NKAIN2: variants seen among roughly 807,000 people sequenced by gnomAD.
NKAIN2 encodes sodium/potassium-transporting ATPase subunit beta-1-interacting protein 2.
NKAIN2 carries 14 observed loss-of-function variants against 32.6 expected under a neutral mutation model. The observed-to-expected ratio is 0.43, with a 90% CI of 0.28 to 0.67. The LOEUF is 0.67. Ranked by LOEUF, NKAIN2 falls within the 30% of genes least tolerant of loss-of-function variation. The probability of loss-of-function intolerance (pLI) is 0.17; values close to 1 mark genes in which losing one functional copy is unlikely to be tolerated. For missense variants in NKAIN2, 198 were observed against 258.3 expected (o/e 0.77, Z 1.60); for synonymous variants, 80 against 87.2 (o/e 0.92, Z 0.46).
intron 3 of NKAIN2, among the ~76,000 whole-genome samples, chr6:124,654,464 A>G (rs1213295659): frequency 6.6e-6 from 1 of 152,182 alleles, no homozygotes; most frequent in East Asian, 1.9e-4. Flanking sequence ...TAAATTTAAC[A>G]AAAGAGAAAA....
At position 124,006,310 on chromosome 6, in the gene NKAIN2, A is replaced by G. The variant is rs561766141; in HGVS notation, c.54+202056A>G. Among the ~76,000 whole-genome samples the G allele has an allele frequency of 2.7e-4, 41 of 152,300 alleles. No homozygotes were observed. The South Asian group carries it at 6.4e-3, about 24-fold the overall frequency. On this transcript the variant is annotated intron_variant, in intron 1 of 6. Transcript: ENST00000368417. ...AGCAAACTGAGATTGAGGTCCCAGCATTTGTGAGAGATAAAATAGTTGAGT... is the reference window on the plus strand; with the variant it reads ...AGCAAACTGAGATTGAGGTCCCAGCGTTTGTGAGAGATAAAATAGTTGAGT...
intron 3 of NKAIN2, among the ~76,000 whole-genome samples, chr6:124,554,734 T>G (rs1382701002): frequency 2.0e-5 from 3 of 152,240 alleles, no homozygotes; most frequent in Non-Finnish European, 4.4e-5. Flanking sequence ...TTTTGTCATT[T>G]CAAAATTTAA....
At chr6:124,209,077 T>C (rs1002046374) in intron 1 of NKAIN2, among the ~76,000 whole-genome samples, 1 of 151,548 alleles carries the variant, frequency 6.6e-6, no homozygotes, top group Non-Finnish European at 1.5e-5. Context: ...TCTCCCTAAC[T>C]GTATTCTTAC....
chr6:124,725,187 T>C (rs1421621950), intron 4 of NKAIN2, among the ~76,000 whole-genome samples: 1 of 152,192 alleles, frequency 6.6e-6, no homozygotes, highest in Non-Finnish European at 1.5e-5. Flanking sequence ...ATGCCCTCTA[T>C]CACACATACC....
chr6:123,948,240 G>C (rs760596744), intron 1 of NKAIN2, among the ~76,000 whole-genome samples: 2 of 151,988 alleles, frequency 1.3e-5, no homozygotes, highest in African/African-American at 4.8e-5. Context: ...GGGAGTGCAG[G>C]TATCCATTTG....
At chr6:123,947,751 G>A (rs921715638) in intron 1 of NKAIN2, among the ~76,000 whole-genome samples, 6 of 152,004 alleles carry the variant, frequency 3.9e-5, no homozygotes, top group African/African-American at 1.4e-4. Context: ...ATTTCTATAT[G>A]CTGGGAACAT....
At chr6:124,102,192 A>G (rs1417654319) in intron 1 of NKAIN2, among the ~76,000 whole-genome samples, 1 of 152,180 alleles carries the variant, frequency 6.6e-6, no homozygotes, top group East Asian at 1.9e-4. Context: ...GGACAACATG[A>G]TGTGGTGCGG....
chr6:123,869,666 G>A (rs894526596), intron 1 of NKAIN2, among the ~76,000 whole-genome samples: 2 of 152,032 alleles, frequency 1.3e-5, no homozygotes, highest in African/African-American at 4.8e-5. Flanking sequence ...CTGCTGGTAG[G>A]GCTTTGGGAG....
At chr6:124,378,495 C>T (rs1274522241) in intron 3 of NKAIN2, among the ~76,000 whole-genome samples, 2 of 152,172 alleles carry the variant, frequency 1.3e-5, no homozygotes, top group Non-Finnish European at 2.9e-5. Flanking sequence ...CTTTGCTATA[C>T]TGGCACAGGC....
intron 3 of NKAIN2, among the ~76,000 whole-genome samples, chr6:124,399,536 T>C: frequency 6.6e-6 from 1 of 152,176 alleles, no homozygotes; most frequent in East Asian, 1.9e-4. Context: ...AACTCCCATG[T>C]GGCCTACAGA....
At chr6:124,079,660 C>A (rs181873741) in intron 1 of NKAIN2, among the ~76,000 whole-genome samples, 1 of 152,116 alleles carries the variant, frequency 6.6e-6, no homozygotes, top group African/African-American at 2.4e-5. Context: ...TTTTAGCTAT[C>A]CTCCTTTTTT....
intron 5 of NKAIN2, among the ~76,000 whole-genome samples, chr6:124,808,764 T>C (rs1446074711): frequency 1.3e-5 from 2 of 152,220 alleles, no homozygotes; most frequent in Admixed American, 1.3e-4. Context: ...CTCCTTAAGC[T>C]GATAAGCAAC....
chr6:124,482,274 A>G (rs1433995248), intron 3 of NKAIN2, among the ~76,000 whole-genome samples: 1 of 152,214 alleles, frequency 6.6e-6, no homozygotes. Context: ...TTGGCACCTT[A>G]TAATAAACTT....
At chr6:124,567,212 C>A (rs1780948746) in intron 3 of NKAIN2, among the ~76,000 whole-genome samples, 1 of 152,292 alleles carries the variant, frequency 6.6e-6, no homozygotes, top group East Asian at 1.9e-4. Flanking sequence ...TGTGCTTTCA[C>A]CCTTCTACCT....
chr6:124,234,182 T>C (rs191602440), intron 1 of NKAIN2, among the ~76,000 whole-genome samples: 1 of 152,344 alleles, frequency 6.6e-6, no homozygotes, highest in East Asian at 1.9e-4. Context: ...TTTTTGTCTC[T>C]AAAGCATCAT....
At chr6:124,047,235 T>G (rs1782182057) in intron 1 of NKAIN2, among the ~76,000 whole-genome samples, 1 of 152,040 alleles carries the variant, frequency 6.6e-6, no homozygotes, top group Non-Finnish European at 1.5e-5. Flanking sequence ...TTTGACTGCA[T>G]TGTCCAATCT....
chr6:124,617,572 A>AT (rs1263481340), intron 3 of NKAIN2, among the ~76,000 whole-genome samples: 1 of 152,144 alleles, frequency 6.6e-6, no homozygotes. Context: ...TCCAGCTCAT[A>AT]TTATGGTATT....
intron 1 of NKAIN2, among the ~76,000 whole-genome samples, chr6:124,274,918 A>G (rs1582969992): frequency 6.6e-6 from 1 of 152,194 alleles, no homozygotes; most frequent in East Asian, 1.9e-4. Flanking sequence ...ACATTTATAA[A>G]ACTTGGCATG....
At chr6:124,055,127 G>A (rs1510293) in intron 1 of NKAIN2, among the ~76,000 whole-genome samples, 52,345 of 151,752 alleles carry the variant, frequency 0.34, 9,718 homozygotes, top group South Asian at 0.43. Flanking sequence ...CTCCTGAACA[G>A]AATTTTGGGG....
Sources: allele counts gnomAD v4.1 joint callset (sites outside exome capture counted in the v4.1 genomes callset), GRCh38; gene constraint gnomAD v4.1.1; transcripts MANE v1.5; gene names NCBI Gene and HGNC (gene_info 2026-07-23, HGNC 2026-07-21).